PRODH2: variants seen among roughly 807,000 people sequenced by gnomAD.
PRODH2 encodes proline dehydrogenase 2.
In PRODH2, 49 loss-of-function variants were observed where a neutral mutation model predicts 51.9. That is an observed-to-expected ratio of 0.94 (90% CI 0.75 to 1.20). The LOEUF is 1.20. Ranked by LOEUF, PRODH2 falls within the 50% of genes most tolerant of loss-of-function variation. PRODH2 has a pLI of 0.00. For missense variants in PRODH2, 597 were observed against 610.9 expected (o/e 0.98, Z 0.24); for synonymous variants, 249 against 260.7 (o/e 0.96, Z 0.43).
At chr19:35,800,728 T>C (rs1972409369) in intron 9 of PRODH2, among the ~76,000 whole-genome samples, 1 of 152,088 alleles carries the variant, frequency 6.6e-6, no homozygotes, top group Admixed American at 6.6e-5. Context: ...GGTCTAGCCC[T>C]GTGGCCCAGG....
chr19:35,803,525 G>C (rs1180772636), intron 7 of PRODH2, among the ~76,000 whole-genome samples: 1 of 152,230 alleles, frequency 6.6e-6, no homozygotes, highest in Non-Finnish European at 1.5e-5. Flanking sequence ...AGAGTGCTGG[G>C]ATTACAGGCG....
At chr19:35,810,905 T>C (rs561663410) in intron 4 of PRODH2, among the ~76,000 whole-genome samples, 60 of 152,352 alleles carry the variant, frequency 3.9e-4, no homozygotes, top group Non-Finnish European at 7.8e-4. Context: ...ACAATGTGTG[T>C]AGTTCATTGT....
At position 35,807,128 on chromosome 19, in the gene PRODH2, G is replaced by T. The variant is rs1258216473; in HGVS notation, c.598-7C>A. ...GGCAGGAGACCTGGAGGTTCTAGGG[G>T]GCAGCAGGGGAAGTGGGGAAAAGCT... On this transcript the variant is annotated splice_region_variant and splice_polypyrimidine_tract_variant and intron_variant, in intron 4 of 9. Coordinates refer to ENST00000653904, the MANE Select transcript of PRODH2 (RefSeq NM_021232.2). 1.3e-6 allele frequency: 2 copies of T among 1,546,840 alleles called. No homozygotes were observed. The highest frequency in any genetic ancestry group is 2.4e-5 in the East Asian group (1 of 40,978).
intron 4 of PRODH2, among the ~76,000 whole-genome samples, chr19:35,810,590 C>T (rs952839745): frequency 2.9e-4 from 44 of 151,356 alleles, no homozygotes; most frequent in Non-Finnish European, 1.2e-4. Flanking sequence ...GGCACGATCT[C>T]GGTTTACTGC....
In PRODH2 at chr19:35,811,988, G is replaced by A; in HGVS notation, c.571C>T (p.Leu191=). Residue 191 remains leucine (L), a synonymous_variant, in exon 4 of 10, where the codon CTG becomes TTG. Transcript: ENST00000653904. Reference sequence around the variant, plus strand: ...TGCCCAGAGTCCATAGCTTCAGCCAGCCTCTCGGGGCTCAGCTCCAAGGAG... The same window carrying A: ...TGCCCAGAGTCCATAGCTTCAGCCAACCTCTCGGGGCTCAGCTCCAAGGAG... ...GASLELSPER[L]AEAMDSGQNL... 1 of 1,614,146 alleles carries A rather than the reference G, an allele frequency of 6.2e-7. No homozygotes were observed. Among genetic ancestry groups the A allele is most frequent in the South Asian group, 1.1e-5 (1 of 91,082 alleles).
Position 35,802,181 on chromosome 19 carries a change from A to G in PRODH2, c.1198+10T>C. 6.2e-7 allele frequency: 1 copy of G among 1,613,578 alleles called. No individual in the cohort carries two copies. Among genetic ancestry groups the G allele is most frequent in the East Asian group, 2.2e-5 (1 of 44,878 alleles). ...GGGGCTTGATGGGGGTGGGGGAGCC[A>G]TTCACATACCCAGTGCTAGAGAGAC... On this transcript the variant is annotated intron_variant, in intron 9 of 9. Coordinates refer to ENST00000653904, the MANE Select transcript of PRODH2 (RefSeq NM_021232.2).
rs377146596 is a variant in PRODH2, at chr19:35,803,071, G to C, written c.1009C>G (p.Arg337Gly). ...TGCGTCAGCATCAGTTCCAGGCAGC[G>C]GCTGTAACTGAAGGGAGATGCTCTG... is the stretch of plus-strand genomic sequence containing the variant. ...DYEATSQSYS[R>G]CLELMLTHVA... The change falls in exon 8 of 10, where the codon CGC becomes GGC. Residue 337 changes from arginine to glycine, a missense_variant. By Grantham distance (125) the Arg-to-Gly change is moderately radical (BLOSUM62 -2). Coordinates refer to ENST00000653904, the MANE Select transcript of PRODH2 (RefSeq NM_021232.2). 1 of 1,536,042 alleles carries C rather than the reference G, an allele frequency of 6.5e-7. No individual in the cohort carries two copies.
intron 6 of PRODH2, 36 bp from the exon 7 acceptor site, chr19:35,806,632 G>T (rs1159866279): frequency 1.2e-6 from 2 of 1,614,054 alleles, no homozygotes; most frequent in Non-Finnish European, 1.7e-6. Flanking sequence ...GTAGGTCAGG[G>T]TGTGGGGACC....
intron 4 of PRODH2, among the ~76,000 whole-genome samples, chr19:35,807,839 G>C (rs1054859331): frequency 3.3e-5 from 5 of 151,994 alleles, no homozygotes; most frequent in Non-Finnish European, 7.4e-5. Context: ...GCAGTGGCAC[G>C]ATCATGGCTC....
rs531508774 is a variant in PRODH2 at position 35,812,267 on chromosome 19, G to A, written c.377C>T (p.Ala126Val). The stretch of plus-strand genomic sequence containing the variant: ...AGCACCGAGGTTCCCCTCATACCAC[G>A]CCTCACTGCCCAGCCAGCAGGTGTC... ...EPDSAAKSGE[A>V]WYEGNLGAML... Residue 126 changes from alanine (A) to valine (V), a missense_variant, in exon 3 of 10, where the codon GCG (alanine) becomes GTG (valine). Coordinates refer to ENST00000653904, the MANE Select transcript of PRODH2 (RefSeq NM_021232.2). 2.4e-5 allele frequency: 39 copies of A among 1,613,298 alleles called. No individual in the cohort carries two copies. The highest frequency in any genetic ancestry group is 1.5e-4 in the South Asian group (14 of 91,056).
At chr19:35,809,753 G>A (rs1240062795) in intron 4 of PRODH2, among the ~76,000 whole-genome samples, 1 of 151,642 alleles carries the variant, frequency 6.6e-6, no homozygotes, top group Non-Finnish European at 1.5e-5. Flanking sequence ...GAGGTCAGGA[G>A]TTAAAGACTA....
In PRODH2 at chr19:35,812,277, C is replaced by G. The variant is rs368206813; in HGVS notation, c.372-5G>C. The G allele has an allele frequency of 6.2e-7, 1 of 1,613,064 alleles. No homozygotes were observed. The highest frequency in any genetic ancestry group is 1.3e-5 in the African/African-American group (1 of 74,942). ...TTCCCCTCATACCACGCCTCACTGC[C>G]CAGCCAGCAGGTGTCAGGGCCCGAA... On this transcript the variant is annotated splice_polypyrimidine_tract_variant and splice_region_variant and intron_variant, in intron 2 of 9. Transcript: ENST00000653904.
At chr19:35,809,987 G>A (rs1249493708) in intron 4 of PRODH2, among the ~76,000 whole-genome samples, 3 of 35,886 alleles carry the variant, frequency 8.4e-5, no homozygotes, top group African/African-American at 1.5e-4. Flanking sequence ...AAAAAAAAAC[G>A]CTGGGCGTGG....
chr19:35,810,624 G>T (rs749937678), intron 4 of PRODH2, among the ~76,000 whole-genome samples: 2 of 151,834 alleles, frequency 1.3e-5, no homozygotes, highest in South Asian at 2.1e-4. Context: ...CGGTTCAAGC[G>T]ATTCTCCTGC....
intron 8 of PRODH2, 30 bp from the exon 9 acceptor site, chr19:35,802,306 A>C (rs1599817285): frequency 6.2e-7 from 1 of 1,604,562 alleles, no homozygotes; most frequent in Non-Finnish European, 8.5e-7. Context: ...ATCAGTCCAG[A>C]CTGTGGCTGC....
At chr19:35,801,982 A>G (rs1972438310) in intron 9 of PRODH2, 6 of 578,182 alleles carry the variant, frequency 1.0e-5, no homozygotes, top group South Asian at 4.5e-5. Context: ...AACAAAACAC[A>G]CAAGAAATAA....
Position 35,812,008 on chromosome 19 carries a change from A to T in PRODH2, c.551T>A (p.Leu184Ter). The change falls in exon 4 of 10, where the codon TTG (leucine) becomes TAG (stop). Residue 184 changes from leucine to a stop codon, truncating the protein, a stop_gained. Coordinates refer to ENST00000653904, the MANE Select transcript of PRODH2 (RefSeq NM_021232.2). LOFTEE classifies it high-confidence loss of function. ...AGCCAGCCTCTCGGGGCTCAGCTCC[A>T]AGGAGGCTCCTGGCCTTCTGACCCA... Reference protein sequence around the residue: ...ASWVRRPGASLELSPERLAEA... With the variant: ...ASWVRRPGAS 6.2e-7 allele frequency: 1 copy of T among 1,614,192 alleles called. No individual in the cohort carries two copies.
intron 4 of PRODH2, among the ~76,000 whole-genome samples, chr19:35,811,386 AAG>A (rs143049724): frequency 0.025 from 3,317 of 134,942 alleles, 119 homozygotes; most frequent in African/African-American, 0.078. Context: ...GACAAAGAGA[AAG>A]AGAGAGAGAG....
intron 4 of PRODH2, among the ~76,000 whole-genome samples, chr19:35,808,177 C>T (rs1481878618): frequency 6.6e-6 from 1 of 152,240 alleles, no homozygotes; most frequent in African/African-American, 2.4e-5. Flanking sequence ...GTTCAGCAAA[C>T]ACTTCGGGAG....
Sources: gnomAD v4.1 joint callset for allele counts (sites outside exome capture counted in the v4.1 genomes callset) on GRCh38, gnomAD v4.1.1 for gene constraint, MANE v1.5 for transcripts, NCBI Gene and HGNC (gene_info 2026-07-23, HGNC 2026-07-21) for gene names.